Variants in AZI2 observed in about 807,000 individuals in gnomAD.
AZI2 encodes 5-azacytidine induced 2, also known as 5-azacytidine-induced protein 2.
Under a neutral mutation model 45.8 loss-of-function variants are expected in AZI2, and 22 were observed. The observed-to-expected ratio is 0.48, with a 90% confidence interval of 0.34 to 0.69. The LOEUF (loss-of-function observed/expected upper bound fraction) is 0.69. Ranked by LOEUF, AZI2 falls within the 30% of genes least tolerant of loss-of-function variation. The probability of loss-of-function intolerance (pLI) is 0.01; values close to 1 mark genes in which losing one functional copy is unlikely to be tolerated. For missense variants in AZI2, 417 were observed against 441.5 expected, an observed-to-expected ratio of 0.94 and a Z score of 0.50; for synonymous variants, 137 against 156.7, an observed-to-expected ratio of 0.87 and a Z score of 0.94.
intron 5 of AZI2, among the ~76,000 whole-genome samples, chr3:28,334,359 T>C (rs1399626076): frequency 6.6e-6 from 1 of 151,940 alleles, no homozygotes; most frequent in Non-Finnish European, 1.5e-5. Flanking sequence ...AAGAGGATTC[T>C]GATCAGCAAC....
intron 6 of AZI2, among the ~76,000 whole-genome samples, chr3:28,331,026 G>A (rs1351717363): frequency 1.3e-5 from 2 of 151,242 alleles, no homozygotes; most frequent in African/African-American, 4.8e-5. Context: ...GATTTTTTCA[G>A]TATTTTGTTA....
At chr3:28,341,169 G>T (rs1704003019) in intron 1 of AZI2, among the ~76,000 whole-genome samples, 1 of 151,968 alleles carries the variant, frequency 6.6e-6, no homozygotes. Flanking sequence ...TGTATATTTA[G>T]AATAGAAGAC....
chr3:28,344,924 C>A (rs984827334), intron 1 of AZI2, among the ~76,000 whole-genome samples: 1 of 152,058 alleles, frequency 6.6e-6, no homozygotes, highest in Non-Finnish European at 1.5e-5. Flanking sequence ...TGTCCAAAGA[C>A]AAGCTTAAGT....
chr3:28,340,662 C>A, intron 1 of AZI2, 40 bp from the exon 2 acceptor site: 1 of 1,473,484 alleles, frequency 6.8e-7, no homozygotes, highest in East Asian at 2.3e-5. Context: ...AAATGTCTCA[C>A]TGAATAAGTG....
At chr3:28,329,998 C>A (rs1703516390) in intron 6 of AZI2, among the ~76,000 whole-genome samples, 1 of 151,238 alleles carries the variant, frequency 6.6e-6, no homozygotes, top group Non-Finnish European at 1.5e-5. Context: ...CTGATAAACA[C>A]TAACCTAATC....
chr3:28,335,930 AT>A (rs2125653016), intron 5 of AZI2, among the ~76,000 whole-genome samples: 1 of 152,204 alleles, frequency 6.6e-6, no homozygotes, highest in African/African-American at 2.4e-5. Flanking sequence ...TAAAATGGCT[AT>A]TTGCACCAGA....
intron 6 of AZI2, chr3:28,331,876 G>C: frequency 6.5e-7 from 1 of 1,547,710 alleles, no homozygotes; most frequent in Non-Finnish European, 8.7e-7. Flanking sequence ...ATTCTTATGC[G>C]AAGAGGGAAC....
At chr3:28,342,993 G>T (rs1704084142) in intron 1 of AZI2, among the ~76,000 whole-genome samples, 1 of 152,056 alleles carries the variant, frequency 6.6e-6, no homozygotes, top group Admixed American at 6.6e-5. Context: ...GTATTTTAAG[G>T]ATTGGGCTCA....
intron 6 of AZI2, among the ~76,000 whole-genome samples, chr3:28,330,791 G>A (rs751884581): frequency 6.6e-6 from 1 of 151,354 alleles, no homozygotes; most frequent in African/African-American, 2.4e-5. Context: ...GAGAGCCACT[G>A]GAACATGCTG....
chr3:28,331,811 T>A, intron 6 of AZI2: 1 of 1,535,180 alleles, frequency 6.5e-7, no homozygotes, highest in Non-Finnish European at 8.8e-7. Context: ...GTAAAAATGA[T>A]ACGTATTTGA....
Position 28,340,448 on chromosome 3 carries a change from T to TC in AZI2, c.169_170insG (p.Lys57ArgfsTer22). 1 of 1,611,954 alleles carries TC rather than the reference T, an allele frequency of 6.2e-7. No homozygotes were observed. The stretch of plus-strand genomic sequence containing the variant: ...TCTCTTCTTTAACAAAGAGTTCTCT[T>TC]TCTCTGAATCCTTAAGTCGTTTTTT... On this transcript the variant is annotated frameshift_variant, in exon 2 of 8. Transcript: ENST00000479665. LOFTEE classifies it high-confidence loss of function.
intron 1 of AZI2, among the ~76,000 whole-genome samples, chr3:28,344,891 AAACTT>A (rs1259598996): frequency 6.6e-6 from 1 of 152,168 alleles, no homozygotes; most frequent in African/African-American, 2.4e-5. Flanking sequence ...TGAACTTTCA[AAACTT>A]AACAAACATC....
intron 6 of AZI2, among the ~76,000 whole-genome samples, chr3:28,327,871 C>A (rs1243711928): frequency 1.3e-5 from 2 of 150,250 alleles, no homozygotes; most frequent in African/African-American, 2.4e-5. Flanking sequence ...AAAATTATTA[C>A]CCCTTAGATA....
At chr3:28,327,359 CT>C (rs1361700279) in intron 6 of AZI2, among the ~76,000 whole-genome samples, 1 of 150,944 alleles carries the variant, frequency 6.6e-6, no homozygotes, top group Non-Finnish European at 1.5e-5. Flanking sequence ...TTGTATTTAT[CT>C]TTTGATTGTT....
chr3:28,324,506 AAAATTCGATAAC>A, intron 7 of AZI2, 52 bp from the exon 8 acceptor site: 1 of 1,380,194 alleles, frequency 7.2e-7, no homozygotes, highest in Non-Finnish European at 9.5e-7. Context: ...TTGTGATCAT[AAAATTCGATAAC>A]ACTTCACCAA....
chr3:28,334,208 G>C (rs1204871648), intron 5 of AZI2, among the ~76,000 whole-genome samples: 1 of 151,688 alleles, frequency 6.6e-6, no homozygotes, highest in Non-Finnish European at 1.5e-5. Flanking sequence ...TACTTCAGAA[G>C]GTTTTATAAA....
chr3:28,345,823 T>C (rs892808935), intron 1 of AZI2, among the ~76,000 whole-genome samples: 2 of 152,150 alleles, frequency 1.3e-5, no homozygotes, highest in Non-Finnish European at 2.9e-5. Flanking sequence ...TATCTGCTGA[T>C]ATCAGACTGG....
chr3:28,340,655 T>C, intron 1 of AZI2, 33 bp from the exon 2 acceptor site: 1 of 1,494,756 alleles, frequency 6.7e-7, no homozygotes, highest in Non-Finnish European at 9.1e-7. Context: ...GAGTGACAAA[T>C]GTCTCACTGA....
At chr3:28,342,370 C>A (rs1704049364) in intron 1 of AZI2, among the ~76,000 whole-genome samples, 4 of 152,006 alleles carry the variant, frequency 2.6e-5, no homozygotes, top group Admixed American at 6.6e-5. Flanking sequence ...AAGGTACAAT[C>A]TTTCCCAGTT....
Sources: gnomAD v4.1 joint callset for allele counts (sites outside exome capture counted in the v4.1 genomes callset) on GRCh38, gnomAD v4.1.1 for gene constraint, MANE v1.5 for transcripts, NCBI Gene and HGNC (gene_info 2026-07-23, HGNC 2026-07-21) for gene names.